Variants in CCM2 observed in about 807,000 individuals in gnomAD.
CCM2 encodes cerebral cavernous malformations 2 protein.
Under a neutral mutation model 44.9 loss-of-function variants are expected in CCM2, and 25 were observed. That is an observed-to-expected ratio of 0.56 (90% CI 0.41 to 0.78). The LOEUF is 0.78. Among genes scored for constraint, CCM2 ranks in the 30% least tolerant of loss-of-function variants. CCM2 has a pLI of 0.00. For synonymous variants in CCM2, 219 were observed against 241.1 expected (o/e 0.91, Z 0.85); for missense variants, 481 against 580.6 (o/e 0.83, Z 1.76).
At chr7:45,037,126 C>G (rs186033115) in intron 1 of CCM2, among the ~76,000 whole-genome samples, 3 of 152,238 alleles carry the variant, frequency 2.0e-5, no homozygotes, top group Admixed American at 2.0e-4. Flanking sequence ...AGCATGATCT[C>G]TCAGCACAAT....
chr7:45,055,941 C>T (rs1189971549), intron 2 of CCM2, among the ~76,000 whole-genome samples: 1 of 152,176 alleles, frequency 6.6e-6, no homozygotes, highest in East Asian at 1.9e-4. Flanking sequence ...CAATATTTGT[C>T]CTTTTGTGAC....
At chr7:45,066,764 T>C (rs1229501923) in intron 4 of CCM2, among the ~76,000 whole-genome samples, 1 of 152,088 alleles carries the variant, frequency 6.6e-6, no homozygotes, top group African/African-American at 2.4e-5. Flanking sequence ...GCCCGCATCC[T>C]TAGGCTGCCC....
chr7:45,074,027 C>T lies in CCM2; in HGVS notation c.916-243C>T. 5.2e-6 allele frequency: 4 copies of T among 764,802 alleles called. No individual in the cohort carries two copies. In the South Asian group the frequency reaches 5.5e-5, roughly 11 times the overall value. The allele number at this position is 764,802 out of a possible 1,614,324, so 47.4% of individuals were successfully genotyped here. ...CCTGCTGGCTCCTGTCCCTCCCATGCACTCTGTGTTCCAGCTCAGGAGAGT... is the reference window on the plus strand; with the variant it reads ...CCTGCTGGCTCCTGTCCCTCCCATGTACTCTGTGTTCCAGCTCAGGAGAGT... On this transcript the variant is annotated intron_variant, in intron 8 of 9. Coordinates refer to ENST00000258781, the MANE Select transcript of CCM2 (RefSeq NM_031443.4).
rs775391357 is a variant in CCM2, at chr7:45,073,581, C to CG, written c.915+11dup. The CG allele has an allele frequency of 8.1e-5, 129 of 1,590,828 alleles. No individual in the cohort carries two copies. Among genetic ancestry groups the CG allele is most frequent in the Non-Finnish European group, 1.0e-4 (121 of 1,163,504 alleles). ...GGACTACATGCTGACGGTAGGCCTC[C>CG]GCTGCAGGGACGCTGGGCTGCATGA... On this transcript the variant is annotated intron_variant, in intron 8 of 9. Coordinates refer to ENST00000258781, the MANE Select transcript of CCM2 (RefSeq NM_031443.4).
intron 1 of CCM2, among the ~76,000 whole-genome samples, chr7:45,005,009 AAG>A: frequency 6.6e-6 from 1 of 152,054 alleles, no homozygotes; most frequent in South Asian, 2.1e-4. Context: ...AAAAAAAAAA[AAG>A]GCTCATGGTC....
chr7:45,070,304 A>G, intron 6 of CCM2: 1 of 378,640 alleles, frequency 2.6e-6, no homozygotes, highest in South Asian at 2.1e-5. Context: ...CTGTGATGGA[A>G]TTGGGGAGGC....
intron 2 of CCM2, among the ~76,000 whole-genome samples, chr7:45,060,697 T>C (rs867013871): frequency 1.3e-5 from 2 of 152,246 alleles, no homozygotes; most frequent in Non-Finnish European, 2.9e-5. Context: ...TCAGAGAGTC[T>C]CTCCTTGGCT....
At chr7:45,007,067 T>G (rs929766132) in intron 1 of CCM2, among the ~76,000 whole-genome samples, 1 of 152,168 alleles carries the variant, frequency 6.6e-6, no homozygotes, top group Non-Finnish European at 1.5e-5. Flanking sequence ...GCTGGCTGCC[T>G]TAGGGTCTCT....
At chr7:45,023,787 GTTTTTTTTTTTTTT>G (rs10596429) in intron 1 of CCM2, among the ~76,000 whole-genome samples, 5 of 58,616 alleles carry the variant, frequency 8.5e-5, no homozygotes, top group Non-Finnish European at 1.5e-4. Flanking sequence ...CTCTGTATCA[GTTTTTTTTTTTTTT>G]TTTTTTTTTT....
At chr7:45,036,506 G>A (rs1296655745) in intron 1 of CCM2, among the ~76,000 whole-genome samples, 1 of 152,134 alleles carries the variant, frequency 6.6e-6, no homozygotes, top group Non-Finnish European at 1.5e-5. Flanking sequence ...GAGCATGATG[G>A]TGGTGGTGGG....
intron 7 of CCM2, chr7:45,073,004 T>A (rs1799155344): frequency 1.5e-6 from 1 of 645,398 alleles, no homozygotes; most frequent in South Asian, 1.7e-5. Context: ...TCTCCCTGCC[T>A]ACCTTCCCAT....
chr7:45,073,584 T>A lies in CCM2; in HGVS notation c.915+13T>A. On this transcript the variant is annotated intron_variant, in intron 8 of 9. Coordinates refer to ENST00000258781, the MANE Select transcript of CCM2 (RefSeq NM_031443.4). ...CTACATGCTGACGGTAGGCCTCCGC[T>A]GCAGGGACGCTGGGCTGCATGAGGG... The A allele has an allele frequency of 6.3e-7, 1 of 1,580,366 alleles. No individual in the cohort carries two copies. The highest frequency in any genetic ancestry group is 8.7e-7 in the Non-Finnish European group (1 of 1,155,778).
chr7:45,076,411 C>G lies in CCM2; in HGVS notation c.*354C>G. The G allele has an allele frequency of 2.3e-6, 1 of 428,818 alleles. No homozygotes were observed. Among genetic ancestry groups the G allele is most frequent in the Admixed American group, 3.5e-5 (1 of 28,908 alleles). 26.6% of individuals were successfully genotyped at this position (428,818 alleles called of 1,614,324 possible). ...CACATGATGTTCCTATTGTAACTCT[C>G]AGAGACCTTAAAAAGAAGTTTACTG... On this transcript the variant is annotated 3_prime_UTR_variant, in exon 10 of 10. Coordinates refer to ENST00000258781, the MANE Select transcript of CCM2 (RefSeq NM_031443.4).
At chr7:45,044,288 C>T (rs1583917163) in intron 2 of CCM2, among the ~76,000 whole-genome samples, 1 of 152,282 alleles carries the variant, frequency 6.6e-6, no homozygotes, top group East Asian at 1.9e-4. Context: ...AGCCTGCCAC[C>T]ACGCCCAGCT....
At chr7:45,004,918 C>T (rs151278533) in intron 1 of CCM2, among the ~76,000 whole-genome samples, 2 of 151,528 alleles carry the variant, frequency 1.3e-5, no homozygotes, top group East Asian at 3.9e-4. Context: ...ATTGCTTGAA[C>T]TCGGGAGATG....
At chr7:45,056,375 C>T (rs1024716719) in intron 2 of CCM2, among the ~76,000 whole-genome samples, 1 of 152,178 alleles carries the variant, frequency 6.6e-6, no homozygotes, top group Non-Finnish European at 1.5e-5. Flanking sequence ...GCCATCTAGG[C>T]TGGGTGTGGT....
chr7:45,068,499 C>T lies in CCM2; in HGVS notation c.529C>T (p.Leu177Phe). ...TCTGTGTGCGGAAAGTTCCAGAGGC[C>T]TCAGTGCAGGCTCCCTGTCGGAGAG... ...QSLCAESSRG[L>F]SAGSLSESAV... Residue 177 changes from leucine (L) to phenylalanine (F), a missense_variant, in exon 5 of 10, where the codon CTC (leucine) becomes TTC (phenylalanine). Physicochemically the swap from Leu to Phe is conservative, Grantham distance 22. Coordinates refer to ENST00000258781, the MANE Select transcript of CCM2 (RefSeq NM_031443.4). 6.2e-7 allele frequency: 1 copy of T among 1,614,200 alleles called. No homozygotes were observed. Among genetic ancestry groups the T allele is most frequent in the Admixed American group, 1.7e-5 (1 of 60,030 alleles).
intron 1 of CCM2, chr7:45,029,649 A>G (rs1410971350): frequency 6.6e-6 from 1 of 152,216 alleles, no homozygotes; most frequent in Non-Finnish European, 1.5e-5. Context: ...GTTTCTGAGA[A>G]TTTGTTGAGC....
In CCM2 at chr7:45,075,849, A is replaced by G. The variant is rs1238583603; in HGVS notation, c.1127A>G (p.Asp376Gly). 1 of 1,613,720 alleles carries G rather than the reference A, an allele frequency of 6.2e-7. No individual in the cohort carries two copies. The highest frequency in any genetic ancestry group is 8.5e-7 in the Non-Finnish European group (1 of 1,180,024). ...TTCCTGGAGACCATTGGCGTGAAGG[A>G]TGGCCGCGGCATCATCACTGACAGC... ...ENFLETIGVK[D>G]GRGIITDSFG... Residue 376 changes from aspartate to glycine, a missense_variant, in exon 10 of 10, where the codon GAT (aspartate) becomes GGT (glycine). Physicochemically the swap from Asp to Gly is moderately conservative, Grantham distance 94 (BLOSUM62 -1). Transcript: ENST00000258781.
Sources: allele counts gnomAD v4.1 joint callset (sites outside exome capture counted in the v4.1 genomes callset), GRCh38; gene constraint gnomAD v4.1.1; transcripts MANE v1.5; gene names NCBI Gene and HGNC (gene_info 2026-07-23, HGNC 2026-07-21).